CASK: variants seen among roughly 807,000 people sequenced by gnomAD.
The protein encoded by CASK is peripheral plasma membrane protein CASK.
A neutral mutation model predicts 82.9 loss-of-function variants in CASK; 4 were observed. The ratio of observed to expected loss-of-function variants is 0.05; its 90% CI spans 0.02 to 0.11. The LOEUF is 0.11. CASK is among the 10% of genes least tolerant of loss of function. The pLI is 1.00. For missense variants in CASK, 358 were observed against 720.9 expected, an observed-to-expected ratio of 0.50 and a Z score of 5.76; for synonymous variants, 259 against 253.5, an observed-to-expected ratio of 1.02 and a Z score of -0.20.
chrX:41,877,553 G>T (rs950288116), intron 1 of CASK, among the ~76,000 whole-genome samples: 4 of 110,951 alleles, frequency 3.6e-5, no homozygotes, highest in Non-Finnish European at 7.6e-5. Context: ...AGAGGGTGAG[G>T]GTATGGCAAT....
chrX:41,878,194 T>A (rs1167611001), intron 1 of CASK, among the ~76,000 whole-genome samples: 1 of 110,250 alleles, frequency 9.1e-6, no homozygotes, highest in Non-Finnish European at 1.9e-5. Context: ...AAATGGTATT[T>A]ATTTGGGAAT....
intron 2 of CASK, among the ~76,000 whole-genome samples, chrX:41,813,732 A>G (rs1330806711): frequency 1.8e-5 from 2 of 112,008 alleles, no homozygotes; most frequent in Non-Finnish European, 3.8e-5. Context: ...AAATGCCAAA[A>G]TTGACAAATG....
chrX:41,711,207 C>G (rs2067972391), intron 5 of CASK, among the ~76,000 whole-genome samples: 1 of 111,893 alleles, frequency 8.9e-6, no homozygotes, highest in African/African-American at 3.3e-5. Flanking sequence ...GATGCTATCT[C>G]TAGGTACATA....
rs1462184877 is a variant in CASK at position 41,769,087 on chromosome X, A to C, written c.278+18091T>G. Among the ~76,000 whole-genome samples the C allele has an allele frequency of 8.1e-5, 9 of 111,443 alleles. No homozygotes were observed. In the East Asian group the frequency reaches 2.5e-3, roughly 31 times the overall value. On this transcript the variant is annotated intron_variant, in intron 3 of 26. Transcript: ENST00000378163. Reference sequence around the variant, plus strand: ...GAAAACTACGTTAAAAGAGTTTTAAATACATTGCTAGAGTTCTGCTTCTTG... The same window carrying C: ...GAAAACTACGTTAAAAGAGTTTTAACTACATTGCTAGAGTTCTGCTTCTTG...
At chrX:41,551,409 G>A (rs973566849) in intron 21 of CASK, among the ~76,000 whole-genome samples, 1 of 111,127 alleles carries the variant, frequency 9.0e-6, no homozygotes, top group Non-Finnish European at 1.9e-5. Context: ...TTAGCCTGGG[G>A]GGACTGCCTC....
chrX:41,857,948 A>G (rs2071402355), intron 1 of CASK, among the ~76,000 whole-genome samples: 1 of 112,338 alleles, frequency 8.9e-6, no homozygotes, highest in Admixed American at 9.4e-5. Context: ...CAACACCATC[A>G]TAATCATGAA....
At chrX:41,785,379 C>T (rs1346567503) in intron 3 of CASK, among the ~76,000 whole-genome samples, 1 of 111,962 alleles carries the variant, frequency 8.9e-6, no homozygotes. Context: ...TTTCAGGCTC[C>T]TTTCCATTCT....
Position 41,520,338 on chromosome X carries a change from C to T in CASK, c.*82G>A. 2 of 748,263 alleles carry T rather than the reference C, an allele frequency of 2.7e-6. No individual in the cohort carries two copies. Among genetic ancestry groups the T allele is most frequent in the Non-Finnish European group, 2.0e-6 (1 of 499,330 alleles). 61.7% of individuals were successfully genotyped at this position (748,263 alleles called of 1,213,427 possible). On this transcript the variant is annotated 3_prime_UTR_variant, in exon 27 of 27. Coordinates refer to ENST00000378163, the MANE Select transcript of CASK (RefSeq NM_001367721.1). Reference sequence around the variant, plus strand: ...ACTAGGTAGTCTCTAGGGACCATGACCTGCTGACACAAGGCCGATAACAAA... The same window carrying T: ...ACTAGGTAGTCTCTAGGGACCATGATCTGCTGACACAAGGCCGATAACAAA...
chrX:41,758,455 A>G (rs1307777609), intron 3 of CASK, among the ~76,000 whole-genome samples: 1 of 104,796 alleles, frequency 9.5e-6, no homozygotes, highest in Non-Finnish European at 2.0e-5. Flanking sequence ...AAAAAAAAGG[A>G]AAAAAAAAGA....
intron 1 of CASK, among the ~76,000 whole-genome samples, chrX:41,913,752 C>T (rs1203676230): frequency 1.8e-5 from 2 of 112,225 alleles, no homozygotes; most frequent in Non-Finnish European, 3.8e-5. Context: ...ATAAAAAATA[C>T]TTATGCTGCA....
chrX:41,635,435 G>A (rs945457437), intron 9 of CASK, among the ~76,000 whole-genome samples: 10 of 111,957 alleles, frequency 8.9e-5, no homozygotes, highest in African/African-American at 2.6e-4. Context: ...CAGGAGTCAT[G>A]TGACTAAGGA....
intron 17 of CASK, among the ~76,000 whole-genome samples, chrX:41,560,277 T>C (rs188293962): frequency 1.0e-3 from 115 of 111,136 alleles, no homozygotes; most frequent in African/African-American, 3.6e-3. Context: ...TTTATTTATT[T>C]TTTTGAGACA....
At chrX:41,875,278 T>C (rs5963282) in intron 1 of CASK, among the ~76,000 whole-genome samples, 1 of 112,315 alleles carries the variant, frequency 8.9e-6, no homozygotes, top group African/African-American at 3.2e-5. Context: ...TAAGTTTCAG[T>C]GAGTCTTCTT....
intron 1 of CASK, among the ~76,000 whole-genome samples, chrX:41,882,431 G>A (rs2071969208): frequency 9.0e-6 from 1 of 111,447 alleles, no homozygotes; most frequent in Admixed American, 9.6e-5. Context: ...CTCAGTCTAG[G>A]ATGCTGTTAA....
At chrX:41,730,977 T>A (rs1169738757) in intron 5 of CASK, among the ~76,000 whole-genome samples, 1 of 112,204 alleles carries the variant, frequency 8.9e-6, no homozygotes, top group African/African-American at 3.2e-5. Context: ...AGTGTTGGGA[T>A]TACAGGGGCA....
intron 6 of CASK, among the ~76,000 whole-genome samples, chrX:41,667,820 G>A (rs773523296): frequency 9.0e-6 from 1 of 111,471 alleles, no homozygotes; most frequent in South Asian, 3.8e-4. Flanking sequence ...ACTCAGAGTT[G>A]TCATTGTAGA....
rs761952649 is a variant in CASK, at chrX:41,822,500, G to A, written c.172+30615C>T. On this transcript the variant is annotated intron_variant, in intron 2 of 26. Coordinates refer to ENST00000378163, the MANE Select transcript of CASK (RefSeq NM_001367721.1). ...TTGAACCTGGGAGGCGGAGGTTGCA[G>A]TGAGTGGAGATGGCGCCACTGCACT... Among the ~76,000 whole-genome samples, 3 of 91,833 alleles carry A rather than the reference G, an allele frequency of 3.3e-5. No homozygotes were observed. In the East Asian group the frequency reaches 1.1e-3, roughly 35 times the overall value. The allele number at this position is 91,833 out of a possible 115,157, so 79.7% of individuals were successfully genotyped here.
intron 11 of CASK, among the ~76,000 whole-genome samples, chrX:41,614,876 T>C (rs772411943): frequency 1.8e-5 from 2 of 110,676 alleles, no homozygotes; most frequent in Non-Finnish European, 3.8e-5. Context: ...TGGAGTGCAG[T>C]GGCACAATCT....
intron 1 of CASK, among the ~76,000 whole-genome samples, chrX:41,903,281 G>C (rs964336843): frequency 8.9e-6 from 1 of 112,154 alleles, no homozygotes; most frequent in African/African-American, 3.2e-5. Flanking sequence ...GTTGGGAGAC[G>C]GCAGAAGGAG....
Sources: allele counts gnomAD v4.1 joint callset (sites outside exome capture counted in the v4.1 genomes callset), GRCh38; gene constraint gnomAD v4.1.1; transcripts MANE v1.5; gene names NCBI Gene and HGNC (gene_info 2026-07-23, HGNC 2026-07-21).